The following SNRNP35 variants were observed in gnomAD, a reference collection of about 807,000 sequenced individuals.
The protein encoded by SNRNP35 is small nuclear ribonucleoprotein U11/U12 subunit 35, also known as U11/U12 small nuclear ribonucleoprotein 35 kDa protein.
Under a neutral mutation model 24.3 loss-of-function variants are expected in SNRNP35, and 16 were observed. The ratio of observed to expected loss-of-function variants is 0.66; its 90% CI spans 0.45 to 1.00. The LOEUF is 1.00. Ranked by LOEUF, SNRNP35 falls within the 50% of genes least tolerant of loss-of-function variation. The pLI is 0.00. For missense variants in SNRNP35, 292 were observed against 327.2 expected, an observed-to-expected ratio of 0.89 and a Z score of 0.83; for synonymous variants, 106 against 124.8, an observed-to-expected ratio of 0.85 and a Z score of 1.00.
At chr12:123,458,655 G>A (rs1365584364) in intron 1 of SNRNP35, among the ~76,000 whole-genome samples, 3 of 150,948 alleles carry the variant, frequency 2.0e-5, no homozygotes, top group Non-Finnish European at 4.4e-5. Flanking sequence ...GAGTGCAGTG[G>A]TGCGATCTCG....
chr12:123,463,531 C>G (rs1301283749), intron 1 of SNRNP35, among the ~76,000 whole-genome samples: 1 of 151,514 alleles, frequency 6.6e-6, no homozygotes, highest in South Asian at 2.1e-4. Context: ...GCGTGTGCAA[C>G]TGTGCCCAGC....
downstream of SNRNP35, among the ~76,000 whole-genome samples, chr12:123,469,800 G>A (rs1881103976): frequency 6.6e-6 from 1 of 151,964 alleles, no homozygotes; most frequent in Non-Finnish European, 1.5e-5. Context: ...ACTGCACCTT[G>A]GCCCTCTCTA....
At chr12:123,460,892 A>G (rs923929550) in intron 1 of SNRNP35, among the ~76,000 whole-genome samples, 8 of 150,976 alleles carry the variant, frequency 5.3e-5, no homozygotes, top group African/African-American at 2.0e-4. Flanking sequence ...TCCCGACTTC[A>G]GGCAATCTGC....
chr12:123,461,412 C>G (rs1401182528), intron 1 of SNRNP35, among the ~76,000 whole-genome samples: 1 of 151,820 alleles, frequency 6.6e-6, no homozygotes, highest in Non-Finnish European at 1.5e-5. Context: ...AGGCATGAGC[C>G]ACCGCGCCCG....
Position 123,466,342 on chromosome 12 carries a change from T to A in SNRNP35, c.*61T>A. 1 of 1,467,646 alleles carries A rather than the reference T, an allele frequency of 6.8e-7. No individual in the cohort carries two copies. The allele number at this position is 1,467,646 out of a possible 1,614,324, so 90.9% of individuals were successfully genotyped here. On this transcript the variant is annotated 3_prime_UTR_variant, in exon 2 of 2. Transcript: ENST00000526639. ...TGGAAATGAGTGGAGGGGGATTGTC[T>A]TTCAACGCAGCGTGAGTCTAATGGT...
chr12:123,470,189 G>T (rs1297900817), downstream of SNRNP35: 1 of 151,980 alleles, frequency 6.6e-6, no homozygotes. Flanking sequence ...TCAAAAAAGT[G>T]ACATTTGGCC....
In SNRNP35 at chr12:123,458,203, C is replaced by T. The variant is rs548595620; in HGVS notation, c.-17C>T. On this transcript the variant is annotated 5_prime_UTR_variant, in exon 1 of 2. Coordinates refer to ENST00000526639, the MANE Select transcript of SNRNP35 (RefSeq NM_022717.4). ...CGCCTGTCTCCGTCGGAAGGGAGCCCAAGCTTTGCAGAGGTGAGTGGAAGC... is the reference window on the plus strand; with the variant it reads ...CGCCTGTCTCCGTCGGAAGGGAGCCTAAGCTTTGCAGAGGTGAGTGGAAGC... The T allele has an allele frequency of 1.0e-6, 1 of 985,492 alleles. No individual in the cohort carries two copies. The highest frequency in any genetic ancestry group is 1.2e-6 in the Non-Finnish European group (1 of 830,002). 61.0% of individuals were successfully genotyped at this position (985,492 alleles called of 1,614,324 possible). A position where few individuals can be genotyped will look rare whatever the true frequency, so the allele number is the denominator to read the frequency against.
chr12:123,459,068 T>TGGGACCACAGGC (rs988026641), intron 1 of SNRNP35: 3 of 151,980 alleles, frequency 2.0e-5, no homozygotes, highest in Admixed American at 6.6e-5. Flanking sequence ...CTCAAGTATC[T>TGGGACCACAGGC]GGGACCACAG....
In SNRNP35 at chr12:123,465,726, C is replaced by T. The variant is rs1331621749; in HGVS notation, c.186C>T (p.Thr62=). Reference sequence around the variant, plus strand: ...TTGTGGCCAGACTAAACTTGCAGACCAAGGAGGACAAATTAAAGGAAGTCT... The same window carrying T: ...TTGTGGCCAGACTAAACTTGCAGACTAAGGAGGACAAATTAAAGGAAGTCT... ...TLFVARLNLQ[T]KEDKLKEVFS... is the part of the protein sequence containing the mutation. The change falls in exon 2 of 2, where the codon ACC becomes ACT. Residue 62 remains threonine, a synonymous_variant. Transcript: ENST00000526639. This position sits in a 1 kb window ranked among gnomAD's most constrained non-coding sequence, Gnocchi z 4.2. 1 of 1,613,684 alleles carries T rather than the reference C, an allele frequency of 6.2e-7. No homozygotes were observed. The highest frequency in any genetic ancestry group is 2.2e-5 in the East Asian group (1 of 44,870).
At chr12:123,467,849 A>C (rs1388899090), downstream of SNRNP35, among the ~76,000 whole-genome samples, 1 of 152,186 alleles carries the variant, frequency 6.6e-6, no homozygotes, top group Non-Finnish European at 1.5e-5. Flanking sequence ...ACAACCTTGC[A>C]GGAAACCTTT....
At chr12:123,470,135 TTATC>T (rs1324472825), downstream of SNRNP35, 2 of 152,170 alleles carry the variant, frequency 1.3e-5, no homozygotes, top group Non-Finnish European at 2.9e-5. Flanking sequence ...TCTGTCCCGA[TTATC>T]TAGCCTCTGA....
chr12:123,466,537 ATTTTC>A lies in SNRNP35; in HGVS notation c.*271_*275del, dbSNP rs1248770561. 5.9e-6 allele frequency: 2 copies of A among 340,594 alleles called. No individual in the cohort carries two copies. The highest frequency in any genetic ancestry group is 2.2e-5 in the African/African-American group (1 of 45,958). The allele number at this position is 340,594 out of a possible 1,614,324, so 21.1% of individuals were successfully genotyped here. On this transcript the variant is annotated 3_prime_UTR_variant, in exon 2 of 2. Transcript: ENST00000526639. ...GTTACTGGCATCTGTACAGAAGGGC[ATTTTC>A]TTTTCTTTTCTTTTTTTTTTTTTTG...
chr12:123,466,303 A>C lies in SNRNP35; in HGVS notation c.*22A>C. On this transcript the variant is annotated 3_prime_UTR_variant, in exon 2 of 2. Transcript: ENST00000526639. The stretch of plus-strand genomic sequence containing the variant: ...GTAGAGGCCCAACAGCAGAACCCCA[A>C]AGTGAAGTTACAGTGGAAATGAGTG... 1.3e-6 allele frequency: 2 copies of C among 1,507,868 alleles called. No homozygotes were observed. Among genetic ancestry groups the C allele is most frequent in the East Asian group, 4.6e-5 (2 of 43,592 alleles). 93.4% of individuals were successfully genotyped at this position (1,507,868 alleles called of 1,614,324 possible). A position where few individuals can be genotyped will look rare whatever the true frequency, so the allele number is the denominator to read the frequency against.
At chr12:123,472,740 G>A (rs562709136) in exon 2 of SNRNP35, 38 of 1,555,866 alleles carry the variant, frequency 2.4e-5, no homozygotes, top group Non-Finnish European at 2.9e-5. Context: ...TGCAAGTCAC[G>A]TTTTTTGCAA....
exon 2 of SNRNP35, chr12:123,472,866 G>T: frequency 1.6e-6 from 1 of 618,954 alleles, no homozygotes; most frequent in Non-Finnish European, 2.8e-6. Context: ...TATTCTGCGT[G>T]TCATTTGGAC....
At chr12:123,472,201 G>C (rs748406380) in exon 2 of SNRNP35, 2 of 274,284 alleles carry the variant, frequency 7.3e-6, no homozygotes, top group Non-Finnish European at 1.4e-5. Flanking sequence ...AAACAGCAAT[G>C]ATAGTGGCAA....
chr12:123,464,676 T>C (rs1364258906), intron 1 of SNRNP35: 1 of 152,244 alleles, frequency 6.6e-6, no homozygotes, highest in Admixed American at 6.5e-5. Flanking sequence ...GAATTAACTA[T>C]GTATCAGAAG....
chr12:123,459,904 AGT>A (rs1880508965), intron 1 of SNRNP35: 3 of 1,557,096 alleles, frequency 1.9e-6, no homozygotes, highest in Non-Finnish European at 2.6e-6. Flanking sequence ...ACCAGCTGTT[AGT>A]ATCTATAGAA....
chr12:123,471,264 G>T (rs1226288242), downstream of SNRNP35: 2 of 151,912 alleles, frequency 1.3e-5, no homozygotes, highest in Admixed American at 6.6e-5. Flanking sequence ...TAGAGATGGG[G>T]TTTCACCGTG....
Sources: allele counts gnomAD v4.1 joint callset (sites outside exome capture counted in the v4.1 genomes callset), GRCh38; gene constraint gnomAD v4.1.1; non-coding constraint Gnocchi (gnomAD v3.1); transcripts MANE v1.5; gene names NCBI Gene and HGNC (gene_info 2026-07-23, HGNC 2026-07-21).